The following IGFBPL1 variants were observed in gnomAD, a reference collection of about 807,000 sequenced individuals.
IGFBPL1 encodes the protein insulin like growth factor binding protein like 1.
A neutral mutation model predicts 23.9 loss-of-function variants in IGFBPL1; 20 were observed. The observed-to-expected ratio is 0.84, with a 90% CI of 0.59 to 1.22. The LOEUF (loss-of-function observed/expected upper bound fraction) is 1.22, where lower values mean the gene tolerates loss of function less well. Ranked by LOEUF, IGFBPL1 falls within the 50% of genes most tolerant of loss-of-function variation. IGFBPL1 has a pLI of 0.00. For synonymous variants in IGFBPL1, 184 were observed against 171.8 expected (o/e 1.07, Z -0.56); for missense variants, 436 against 379.3 (o/e 1.15, Z -1.24).
intron 1 of IGFBPL1, among the ~76,000 whole-genome samples, chr9:38,415,866 C>A (rs559688854): frequency 6.6e-6 from 1 of 152,268 alleles, no homozygotes; most frequent in Non-Finnish European, 1.5e-5. Flanking sequence ...CCTCCCCATC[C>A]CAGGCTGCTT....
At chr9:38,414,819 G>GA (rs1350964551) in intron 1 of IGFBPL1, among the ~76,000 whole-genome samples, 1 of 152,186 alleles carries the variant, frequency 6.6e-6, no homozygotes, top group African/African-American at 2.4e-5. Flanking sequence ...GGGAATCAGG[G>GA]AAATGTGGTT....
rs559619922 is a variant in IGFBPL1 at position 38,418,227 on chromosome 9, C to T, written c.461-4024G>A. On this transcript the variant is annotated intron_variant, in intron 1 of 4. Coordinates refer to ENST00000377694, the MANE Select transcript of IGFBPL1 (RefSeq NM_001007563.3). The stretch of plus-strand genomic sequence containing the variant: ...GAGTGCTCAACGTCATGGCTGCCAC[C>T]ACAGGCAGGAAGGACAGCGTGGCAG... Among the ~76,000 whole-genome samples the T allele has an allele frequency of 2.0e-5, 3 of 152,332 alleles. No individual in the cohort carries two copies. In the East Asian group the frequency reaches 5.8e-4, roughly 29 times the overall value.
At chr9:38,422,692 A>G (rs1194534543) in intron 1 of IGFBPL1, among the ~76,000 whole-genome samples, 1 of 152,194 alleles carries the variant, frequency 6.6e-6, no homozygotes, top group Non-Finnish European at 1.5e-5. Context: ...GGGGAGCTTC[A>G]GCTAGGAACA....
Position 38,424,361 on chromosome 9 carries a change from GC to G in IGFBPL1, c.63del (p.Leu22CysfsTer157), listed in dbSNP as rs1310413203. 3 of 765,198 alleles carry G rather than the reference GC, an allele frequency of 3.9e-6. No individual in the cohort carries two copies. The highest frequency in any genetic ancestry group is 6.2e-6 in the Non-Finnish European group (3 of 485,028). The allele number at this position is 765,198 out of a possible 1,614,324, so 47.4% of individuals were successfully genotyped here. A position where few individuals can be genotyped will look rare whatever the true frequency, so the allele number is the denominator to read the frequency against. On this transcript the variant is annotated frameshift_variant, in exon 1 of 5. Transcript: ENST00000377694. LOFTEE classifies it high-confidence loss of function. Reference protein sequence around the residue: ...LLLLLLPLLPPLSPSLGIRDV... With the variant: ...LLLLLLPLLPXLSPSLGIRDV... ...TCGCGGATCCCAAGGCTCGGGGACA[GC>G]GGCGGCAGCAGCGGCAGCAGCAGCA...
intron 3 of IGFBPL1, among the ~76,000 whole-genome samples, chr9:38,412,575 T>C (rs1366176627): frequency 6.6e-6 from 1 of 152,204 alleles, no homozygotes; most frequent in Non-Finnish European, 1.5e-5. Context: ...GTGTACTAGT[T>C]CCTTGGGCTG....
chr9:38,413,077 T>C (rs901461075), intron 3 of IGFBPL1, among the ~76,000 whole-genome samples, 160 bp downstream of exon 3: 1 of 152,186 alleles, frequency 6.6e-6, no homozygotes, highest in Non-Finnish European at 1.5e-5. Context: ...AACACGTATG[T>C]TCCCAGCAGA....
chr9:38,424,436 G>A lies in IGFBPL1; in HGVS notation c.-12C>T, dbSNP rs529970799. The A allele has an allele frequency of 3.9e-3, 2,100 of 540,566 alleles. 17 individuals are homozygous for A. The highest frequency in any genetic ancestry group is 4.8e-3 in the Non-Finnish European group (1,446 of 303,412). 33.5% of individuals were successfully genotyped at this position (540,566 alleles called of 1,614,324 possible). A position where few individuals can be genotyped will look rare whatever the true frequency, so the allele number is the denominator to read the frequency against. On this transcript the variant is annotated 5_prime_UTR_variant, in exon 1 of 5. Coordinates refer to ENST00000377694, the MANE Select transcript of IGFBPL1 (RefSeq NM_001007563.3). Reference sequence around the variant, plus strand: ...GACAAGCGCGGCATGGCTTGCTCCGGGACAGCGGCGGCGCCTCTGCTTCGC... The same window carrying A: ...GACAAGCGCGGCATGGCTTGCTCCGAGACAGCGGCGGCGCCTCTGCTTCGC...
rs929962240 is a variant in IGFBPL1, at chr9:38,406,763, G to T, written c.*2464C>A. 6.8e-6 allele frequency among the ~76,000 whole-genome samples: 1 copy of T among 147,788 alleles called. No homozygotes were observed. Among genetic ancestry groups the T allele is most frequent in the Non-Finnish European group, 1.5e-5 (1 of 67,110 alleles). On this transcript the variant is annotated 3_prime_UTR_variant, in exon 5 of 5. Transcript: ENST00000377694. ...CATGTTAATGCGCCTTTTTGGTTTTGGTGAAAATTTCAGACAGTGTGACAT... is the reference window on the plus strand; with the variant it reads ...CATGTTAATGCGCCTTTTTGGTTTTTGTGAAAATTTCAGACAGTGTGACAT...
chr9:38,412,041 G>C (rs928768072), intron 3 of IGFBPL1, among the ~76,000 whole-genome samples: 2 of 152,134 alleles, frequency 1.3e-5, no homozygotes, highest in Non-Finnish European at 2.9e-5. Flanking sequence ...CAATCTCTCA[G>C]CTGGGTGGAG....
At chr9:38,420,760 C>A (rs1258501600) in intron 1 of IGFBPL1, among the ~76,000 whole-genome samples, 1 of 152,116 alleles carries the variant, frequency 6.6e-6, no homozygotes, top group Non-Finnish European at 1.5e-5. Flanking sequence ...TGGCGTGAAC[C>A]CAGGAGGTGG....
intron 4 of IGFBPL1, among the ~76,000 whole-genome samples, chr9:38,410,187 A>G (rs1821490720): frequency 6.6e-6 from 1 of 152,144 alleles, no homozygotes; most frequent in East Asian, 1.9e-4. Context: ...CCATTCCTGT[A>G]AGAGGATCGT....
At position 38,424,188 on chromosome 9, in the gene IGFBPL1, G is replaced by A. The variant is rs1821726309; in HGVS notation, c.237C>T (p.Gly79=). The A allele has an allele frequency of 8.6e-7, 1 of 1,164,330 alleles. No homozygotes were observed. Among genetic ancestry groups the A allele is most frequent in the Non-Finnish European group, 1.1e-6 (1 of 945,952 alleles). 72.1% of individuals were successfully genotyped at this position (1,164,330 alleles called of 1,614,324 possible). ...CLGAEGASCG[G]RAGGRCGPGL... ...CGGGGCCACAGCGCCCGCCGGCGCG[G>A]CCCCCGCAGCTCGCGCCCTCGGCTC... Residue 79 remains glycine, a synonymous_variant, in exon 1 of 5, where the codon GGC becomes GGT. Transcript: ENST00000377694.
At chr9:38,418,717 T>C (rs145268247) in intron 1 of IGFBPL1, among the ~76,000 whole-genome samples, 4 of 152,282 alleles carry the variant, frequency 2.6e-5, no homozygotes, top group African/African-American at 7.2e-5. Flanking sequence ...CATCCCCCTA[T>C]AGCTCTTCCT....
chr9:38,423,563 C>T (rs1393604960), intron 1 of IGFBPL1, among the ~76,000 whole-genome samples: 1 of 151,322 alleles, frequency 6.6e-6, no homozygotes, highest in Non-Finnish European at 1.5e-5. Context: ...CTCCCCTATC[C>T]TCTACTTCCC....
At chr9:38,417,911 A>G (rs553180372) in intron 1 of IGFBPL1, among the ~76,000 whole-genome samples, 1 of 152,304 alleles carries the variant, frequency 6.6e-6, no homozygotes, top group East Asian at 1.9e-4. Flanking sequence ...TTGTTTGTAC[A>G]GTTCAGGCAC....
rs1185649119 is a variant in IGFBPL1 at position 38,409,072 on chromosome 9, C to T, written c.*155G>A. On this transcript the variant is annotated 3_prime_UTR_variant, in exon 5 of 5. Transcript: ENST00000377694. ...TCACTGTTTGCCCTGCTAAAAACTA[C>T]ATCTGCATACAGATCTAGTTTGCAT... is the stretch of plus-strand genomic sequence containing the variant. 1 of 152,186 alleles carries T rather than the reference C, an allele frequency of 6.6e-6. No homozygotes were observed. Among genetic ancestry groups the T allele is most frequent in the African/African-American group, 2.4e-5 (1 of 41,446 alleles). 9.4% of individuals were successfully genotyped at this position (152,186 alleles called of 1,614,324 possible).
intron 4 of IGFBPL1, 81 bp downstream of exon 4, chr9:38,411,310 T>C: frequency 4.0e-6 from 5 of 1,252,532 alleles, no homozygotes; most frequent in Middle Eastern, 2.0e-4. Flanking sequence ...ATTTTTCTTC[T>C]TTTTTTTACA....
intron 4 of IGFBPL1, among the ~76,000 whole-genome samples, chr9:38,410,098 G>A (rs1821489837): frequency 6.6e-6 from 1 of 152,112 alleles, no homozygotes; most frequent in Non-Finnish European, 1.5e-5. Flanking sequence ...AACCCTATCA[G>A]ACTTGTTTCT....
At chr9:38,415,653 C>T (rs1821590646) in intron 1 of IGFBPL1, among the ~76,000 whole-genome samples, 1 of 152,208 alleles carries the variant, frequency 6.6e-6, no homozygotes, top group Admixed American at 6.5e-5. Flanking sequence ...GCACAGCCTC[C>T]ATTTGCATGC....
Sources: allele counts gnomAD v4.1 joint callset (sites outside exome capture counted in the v4.1 genomes callset), GRCh38; gene constraint gnomAD v4.1.1; transcripts MANE v1.5; gene names NCBI Gene and HGNC (gene_info 2026-07-23, HGNC 2026-07-21).